The following ROS1 variants were observed in gnomAD, a reference collection of about 807,000 sequenced individuals.
ROS1 encodes ROS proto-oncogene 1, receptor tyrosine kinase.
Under a neutral mutation model 273.5 loss-of-function variants are expected in ROS1, and 263 were observed. That is an observed-to-expected ratio of 0.96 (90% confidence interval 0.87 to 1.06). ROS1 has a LOEUF of 1.06. Among genes scored for constraint, ROS1 ranks in the 50% least tolerant of loss-of-function variants. The probability of loss-of-function intolerance (pLI) is 0.00; values close to 1 mark genes in which losing one functional copy is unlikely to be tolerated. For missense variants in ROS1, 2,833 were observed against 2,751.1 expected (o/e 1.03, Z -0.67); for synonymous variants, 1,008 against 954.1 (o/e 1.06, Z -1.04).
At position 117,369,253 on chromosome 6, in the gene ROS1, A is replaced by G. The variant is rs1166368100; in HGVS notation, c.2583-2963T>C. Among the ~76,000 whole-genome samples, 5 of 152,222 alleles carry G rather than the reference A, an allele frequency of 3.3e-5. No individual in the cohort carries two copies. In the East Asian group the frequency reaches 9.6e-4, roughly 29 times the overall value. ...AGCTGCTATGCTCCACTGTACATAC[A>G]TACAAGAAAACATTACTAAACTTGA... On this transcript the variant is annotated intron_variant, in intron 18 of 43. Transcript: ENST00000368507.
At position 117,320,044 on chromosome 6, in the gene ROS1, A is replaced by G. The variant is rs759066365; in HGVS notation, c.5760-14T>C. ...GTTGGAAGAGTACTGTAAAATAGCA[A>G]CATTTTTGTCTCCCCACCCTCCACA... On this transcript the variant is annotated splice_polypyrimidine_tract_variant and intron_variant, in intron 36 of 43. Coordinates refer to ENST00000368507, the MANE Select transcript of ROS1 (RefSeq NM_001378902.1). The G allele has an allele frequency of 5.6e-6, 9 of 1,611,778 alleles. No individual in the cohort carries two copies. In the African/African-American group the frequency reaches 1.1e-4, roughly 19 times the overall value.
At chr6:117,409,277 T>A (rs549913499) in intron 5 of ROS1, among the ~76,000 whole-genome samples, 168 of 152,202 alleles carry the variant, frequency 1.1e-3, no homozygotes, top group African/African-American at 3.9e-3. Context: ...TCAAGTCTGC[T>A]CAGGATGTAC....
At chr6:117,299,361 G>T (rs1164544679) in intron 43 of ROS1, 1 of 152,204 alleles carries the variant, frequency 6.6e-6, no homozygotes, top group African/African-American at 2.4e-5. Context: ...CAAGGTGAAG[G>T]TCTCATGTGA....
intron 1 of ROS1, among the ~76,000 whole-genome samples, chr6:117,422,927 C>G (rs1454750703): frequency 2.0e-5 from 3 of 151,822 alleles, no homozygotes; most frequent in Non-Finnish European, 4.4e-5. Context: ...GAATGGAATC[C>G]ATTCAATAAA....
Position 117,310,073 on chromosome 6 carries a change from A to T in ROS1, c.6416+8T>A, listed in dbSNP as rs2128547874. On this transcript the variant is annotated splice_region_variant and intron_variant, in intron 41 of 43. Transcript: ENST00000368507. The stretch of plus-strand genomic sequence containing the variant: ...TGTCAGCATTACTCTGTGTCCCGTT[A>T]AACTTACCATACATCAGATTGAGTA... The T allele has an allele frequency of 1.2e-6, 2 of 1,609,746 alleles. No individual in the cohort carries two copies. The highest frequency in any genetic ancestry group is 1.7e-6 in the Non-Finnish European group (2 of 1,176,380).
chr6:117,333,995 G>C (rs1354238951), intron 32 of ROS1, among the ~76,000 whole-genome samples: 1 of 152,040 alleles, frequency 6.6e-6, no homozygotes, highest in African/African-American at 2.4e-5. Context: ...TTCTGGTCAG[G>C]GCAATCAGGC....
In ROS1 at chr6:117,319,985, A is replaced by G. The variant is rs780362093; in HGVS notation, c.5805T>C (p.Pro1935=). The G allele has an allele frequency of 6.2e-7, 1 of 1,613,360 alleles. No homozygotes were observed. Among genetic ancestry groups the G allele is most frequent in the East Asian group, 2.2e-5 (1 of 44,846 alleles). The change falls in exon 37 of 44, where the codon CCT becomes CCC. Residue 1935 remains proline (P), a synonymous_variant. Transcript: ENST00000368507. ...AGAGACGCAGAGTCAGTTTTTCCCG[A>G]GGGAAGGCAGGAAGATTTTCAATCT... ...QEEIENLPAF[P]REKLTLRLLL...
chr6:117,425,672 A>G lies in ROS1; in HGVS notation c.-16T>C. ...TGTTCTTCATCACTTCACCAATGGC[A>G]GATTTTTAGATGGCCGGTCTAATTT... On this transcript the variant is annotated 5_prime_UTR_variant, in exon 1 of 44. Transcript: ENST00000368507. 6.2e-7 allele frequency: 1 copy of G among 1,609,842 alleles called. No individual in the cohort carries two copies.
intron 3 of ROS1, among the ~76,000 whole-genome samples, 154 bp from the exon 4 acceptor site, chr6:117,414,699 C>T (rs1775202960): frequency 1.3e-5 from 2 of 152,106 alleles, no homozygotes; most frequent in Admixed American, 1.3e-4. Context: ...AGAGCAGGAC[C>T]CCCTGTCTAG....
intron 22 of ROS1, among the ~76,000 whole-genome samples, chr6:117,361,105 G>A (rs897067424): frequency 2.9e-4 from 44 of 152,146 alleles, no homozygotes; most frequent in Middle Eastern, 3.4e-3. Flanking sequence ...GCACAATGAC[G>A]TATGTAGAAA....
At position 117,300,272 on chromosome 6, in the gene ROS1, A is replaced by C. The variant is rs754470785; in HGVS notation, c.6715+702T>G. On this transcript the variant is annotated intron_variant, in intron 43 of 43. Coordinates refer to ENST00000368507, the MANE Select transcript of ROS1 (RefSeq NM_001378902.1). ...GGCACAGAATATTATTAACTTAATC[A>C]CCAAATACTGAAGTCATAGAATCAG... 5.4e-4 allele frequency among the ~76,000 whole-genome samples: 82 copies of C among 151,594 alleles called. 1 individual carries two copies. Among genetic ancestry groups the C allele is most frequent in the Admixed American group, 4.7e-3 (72 of 15,186 alleles).
intron 5 of ROS1, among the ~76,000 whole-genome samples, chr6:117,408,471 C>G (rs1178623144): frequency 6.6e-6 from 1 of 152,212 alleles, no homozygotes; most frequent in Non-Finnish European, 1.5e-5. Context: ...AAATGCTCAT[C>G]ATCACTGGCC....
At position 117,321,333 on chromosome 6, in the gene ROS1, G is replaced by A. The variant is rs532632255; in HGVS notation, c.5685C>T (p.Asn1895=). The change falls in exon 36 of 44, where the codon AAC becomes AAT. Residue 1895 remains asparagine, a synonymous_variant. Transcript: ENST00000368507. ...SAKEGVTVLI[N]EDKELAELRG... ...GCAGCTCAGCCAACTCTTTGTCTTC[G>A]TTTATAAGCACTGTCACCCCTTCCT... 6.8e-6 allele frequency: 11 copies of A among 1,613,516 alleles called. No individual in the cohort carries two copies. The highest frequency in any genetic ancestry group is 4.5e-5 in the East Asian group (2 of 44,840).
At chr6:117,367,806 T>C (rs1780391555) in intron 18 of ROS1, among the ~76,000 whole-genome samples, 1 of 152,072 alleles carries the variant, frequency 6.6e-6, no homozygotes, top group Non-Finnish European at 1.5e-5. Context: ...CATAGTTTTC[T>C]CAAGAAATAA....
intron 16 of ROS1, among the ~76,000 whole-genome samples, chr6:117,385,338 T>A (rs1305789498): frequency 6.6e-6 from 1 of 152,106 alleles, no homozygotes. Context: ...GCAGATCTCT[T>A]GAGGTCAGGA....
intron 32 of ROS1, among the ~76,000 whole-genome samples, chr6:117,330,564 C>T (rs1007307274): frequency 5.9e-5 from 9 of 152,200 alleles, no homozygotes; most frequent in Non-Finnish European, 8.8e-5. Context: ...CAGGAGCGAT[C>T]CTACTGGCAT....
chr6:117,420,992 A>C (rs551496110), intron 1 of ROS1, among the ~76,000 whole-genome samples: 11 of 151,920 alleles, frequency 7.2e-5, no homozygotes, highest in African/African-American at 2.7e-4. Context: ...ATCCATTTAC[A>C]TCCAACCAAC....
At chr6:117,407,414 C>G (rs1201194924) in intron 5 of ROS1, among the ~76,000 whole-genome samples, 1 of 152,130 alleles carries the variant, frequency 6.6e-6, no homozygotes, top group Non-Finnish European at 1.5e-5. Context: ...TTTGACATGC[C>G]CAACCTATGC....
rs763892419 is a variant in ROS1, at chr6:117,341,579, T to C, written c.4705A>G (p.Ile1569Val). ...NTTVRSDTSL[I>V]ISWRESHKPN... ...TTGTGAGATTCTCTCCAAGATATAA[T>C]GAGGCTGGTGTCTGACCGCACAGTT... The change falls in exon 30 of 44, where the codon ATT (isoleucine) becomes GTT (valine). Residue 1569 changes from isoleucine (I) to valine (V), a missense_variant. Ile to Val is a conservative substitution (Grantham distance 29). Transcript: ENST00000368507. 6.2e-7 allele frequency: 1 copy of C among 1,613,804 alleles called. No homozygotes were observed. Among genetic ancestry groups the C allele is most frequent in the Admixed American group, 1.7e-5 (1 of 59,978 alleles).
Sources: gnomAD v4.1 joint callset for allele counts (sites outside exome capture counted in the v4.1 genomes callset) on GRCh38, gnomAD v4.1.1 for gene constraint, MANE v1.5 for transcripts, NCBI Gene and HGNC (gene_info 2026-07-23, HGNC 2026-07-21) for gene names.